The following VPS13B variants were observed in gnomAD, a reference collection of about 807,000 sequenced individuals.
VPS13B encodes intermembrane lipid transfer protein VPS13B.
In VPS13B, 285 loss-of-function variants were observed where a neutral mutation model predicts 426.4. The ratio of observed to expected loss-of-function variants is 0.67; its 90% CI spans 0.61 to 0.74. The LOEUF (loss-of-function observed/expected upper bound fraction) is 0.74, where lower values mean the gene tolerates loss of function less well. VPS13B is among the 30% of genes least tolerant of loss of function. VPS13B has a pLI of 0.00. For synonymous variants in VPS13B, 1,676 were observed against 1,676.4 expected (o/e 1.00, Z 0.01); for missense variants, 4,537 against 4,782.6 (o/e 0.95, Z 1.51).
intron 40 of VPS13B, among the ~76,000 whole-genome samples, chr8:99,767,493 CAA>C (rs869220303): frequency 0.017 from 575 of 33,260 alleles, 3 homozygotes; most frequent in African/African-American, 0.061. Flanking sequence ...GCAACTCTCT[CAA>C]AAAAAAAAAA....
At chr8:99,184,560 A>G (rs1434922792) in intron 16 of VPS13B, among the ~76,000 whole-genome samples, 9 of 152,146 alleles carry the variant, frequency 5.9e-5, no homozygotes, top group Non-Finnish European at 8.8e-5. Context: ...ATATTTTCCT[A>G]TTTTTCATCT....
At chr8:99,345,055 A>G (rs953693498) in intron 19 of VPS13B, among the ~76,000 whole-genome samples, 3 of 152,006 alleles carry the variant, frequency 2.0e-5, no homozygotes, top group Admixed American at 6.6e-5. Flanking sequence ...TTAGGAATCA[A>G]TTTTTTTCCT....
chr8:99,773,484 G>C (rs972537625), intron 40 of VPS13B, among the ~76,000 whole-genome samples: 6 of 152,198 alleles, frequency 3.9e-5, no homozygotes, highest in Non-Finnish European at 8.8e-5. Context: ...ACATCTAGAT[G>C]TACTGAACAC....
chr8:99,693,237 A>G (rs1831771462), intron 35 of VPS13B, among the ~76,000 whole-genome samples: 1 of 151,190 alleles, frequency 6.6e-6, no homozygotes, highest in African/African-American at 2.4e-5. Flanking sequence ...GCAGAGACAC[A>G]ACCAAAAAAG....
chr8:99,681,352 C>T (rs1046398802), intron 35 of VPS13B, among the ~76,000 whole-genome samples: 1 of 152,198 alleles, frequency 6.6e-6, no homozygotes, highest in African/African-American at 2.4e-5. Flanking sequence ...GCCCTAGCCA[C>T]TCTGTTCACA....
chr8:99,223,814 T>G (rs770974664), intron 17 of VPS13B, among the ~76,000 whole-genome samples: 1 of 152,212 alleles, frequency 6.6e-6, no homozygotes, highest in Non-Finnish European at 1.5e-5. Flanking sequence ...AAAGGGAACA[T>G]TATTGTCATT....
At chr8:99,597,962 C>T (rs1827099760) in intron 33 of VPS13B, among the ~76,000 whole-genome samples, 1 of 151,946 alleles carries the variant, frequency 6.6e-6, no homozygotes, top group Non-Finnish European at 1.5e-5. Flanking sequence ...CATAGTAATT[C>T]TCATTTCTGT....
intron 17 of VPS13B, among the ~76,000 whole-genome samples, chr8:99,249,408 G>A (rs1400738882): frequency 1.3e-5 from 2 of 149,972 alleles, no homozygotes; most frequent in Non-Finnish European, 3.0e-5. Flanking sequence ...CAGTTACTGG[G>A]CTATACGGTA....
intron 43 of VPS13B, among the ~76,000 whole-genome samples, chr8:99,806,616 T>C (rs1264162443): frequency 1.3e-5 from 2 of 152,198 alleles, no homozygotes; most frequent in African/African-American, 4.8e-5. Context: ...TTATAGTACT[T>C]GAGTAATGAA....
chr8:99,428,977 G>T (rs1231643693), intron 21 of VPS13B, among the ~76,000 whole-genome samples: 3 of 152,148 alleles, frequency 2.0e-5, no homozygotes, highest in Non-Finnish European at 2.9e-5. Flanking sequence ...CATGTCCTTT[G>T]TAGGGACATG....
intron 49 of VPS13B, among the ~76,000 whole-genome samples, chr8:99,820,803 T>A (rs190459099): frequency 3.2e-4 from 49 of 152,254 alleles, no homozygotes; most frequent in Non-Finnish European, 1.8e-4. Context: ...AATTTCAGAA[T>A]CCTTTTTTGA....
At chr8:99,615,783 G>A (rs1315196808) in intron 33 of VPS13B, among the ~76,000 whole-genome samples, 2 of 152,154 alleles carry the variant, frequency 1.3e-5, no homozygotes, top group African/African-American at 4.8e-5. Flanking sequence ...ACGTGTGAAT[G>A]TTAAAGCCCC....
At chr8:99,696,932 A>C (rs1245226133) in intron 35 of VPS13B, 2 of 703,406 alleles carry the variant, frequency 2.8e-6, no homozygotes, top group Non-Finnish European at 5.3e-6. Flanking sequence ...GCCAATGATA[A>C]GCTGATTGCT....
intron 17 of VPS13B, among the ~76,000 whole-genome samples, chr8:99,268,044 G>A (rs1023700491): frequency 6.6e-6 from 1 of 152,206 alleles, no homozygotes; most frequent in Non-Finnish European, 1.5e-5. Flanking sequence ...TTCAGAGGGT[G>A]TAAGCCCCCA....
At chr8:99,085,816 A>C (rs537082292) in intron 3 of VPS13B, among the ~76,000 whole-genome samples, 1 of 152,310 alleles carries the variant, frequency 6.6e-6, no homozygotes, top group South Asian at 2.1e-4. Flanking sequence ...CCGAGAGATC[A>C]GCTGTTAGTC....
At chr8:99,174,587 A>G (rs1467326152) in intron 16 of VPS13B, among the ~76,000 whole-genome samples, 1 of 152,106 alleles carries the variant, frequency 6.6e-6, no homozygotes, top group Non-Finnish European at 1.5e-5. Context: ...TGTCCTATCT[A>G]TTCAAGTCCT....
chr8:99,594,610 GTAA>G (rs1826897682), intron 33 of VPS13B, among the ~76,000 whole-genome samples: 1 of 152,004 alleles, frequency 6.6e-6, no homozygotes, highest in South Asian at 2.1e-4. Flanking sequence ...AAAGAATGAT[GTAA>G]TATTATGCTC....
At chr8:99,097,663 A>AT (rs1846501004) in intron 4 of VPS13B, among the ~76,000 whole-genome samples, 1 of 152,210 alleles carries the variant, frequency 6.6e-6, no homozygotes, top group African/African-American at 2.4e-5. Flanking sequence ...TAAGAGACAA[A>AT]TAGTAGCCAA....
intron 29 of VPS13B, among the ~76,000 whole-genome samples, 158 bp from the exon 30 acceptor site, chr8:99,520,741 A>T (rs1490214806): frequency 6.6e-6 from 1 of 152,048 alleles, no homozygotes; most frequent in Non-Finnish European, 1.5e-5. Flanking sequence ...AGCATCAAAG[A>T]TTTTTATTTT....
Sources: allele counts gnomAD v4.1 joint callset (sites outside exome capture counted in the v4.1 genomes callset), GRCh38; gene constraint gnomAD v4.1.1; transcripts MANE v1.5; gene names NCBI Gene and HGNC (gene_info 2026-07-23, HGNC 2026-07-21).